The following NCOA3 variants were observed in gnomAD, a reference collection of about 807,000 sequenced individuals.
NCOA3 encodes the protein nuclear receptor coactivator 3.
A neutral mutation model predicts 158.8 loss-of-function variants in NCOA3; 51 were observed. The ratio of observed to expected loss-of-function variants is 0.32; its 90% CI spans 0.26 to 0.41. The LOEUF (loss-of-function observed/expected upper bound fraction) is 0.41, where lower values mean the gene tolerates loss of function less well. Ranked by LOEUF, NCOA3 falls within the 10% of genes least tolerant of loss-of-function variation. NCOA3 has a pLI of 1.00. For missense variants in NCOA3, 1,510 were observed against 1,746.6 expected (o/e 0.86, Z 2.41); for synonymous variants, 537 against 592.4 (o/e 0.91, Z 1.36).
chr20:47,567,032 G>T (rs75734385), intron 1 of NCOA3, among the ~76,000 whole-genome samples: 24 of 110,374 alleles, frequency 2.2e-4, no homozygotes, highest in South Asian at 1.9e-3. Context: ...ATGTATGTAT[G>T]TATGTATGTA....
chr20:47,638,280 C>T (rs1195490215), intron 13 of NCOA3, among the ~76,000 whole-genome samples: 1 of 152,176 alleles, frequency 6.6e-6, no homozygotes, highest in Non-Finnish European at 1.5e-5. Flanking sequence ...CATGGTGGCT[C>T]ACACCTGTGG....
rs140232704 is a variant in NCOA3, at chr20:47,597,248, C to T, written c.-20+13987C>T. On this transcript the variant is annotated intron_variant, in intron 2 of 22. Transcript: ENST00000371998. ...CTGCTTTATGTCACTACTGTTTTACCTTTTCTAAAATTTCATGTGAATAGT... is the reference window on the plus strand; with the variant it reads ...CTGCTTTATGTCACTACTGTTTTACTTTTTCTAAAATTTCATGTGAATAGT... Among the ~76,000 whole-genome samples the T allele has an allele frequency of 3.7e-4, 56 of 152,260 alleles. 1 individual carries two copies. The highest frequency in any genetic ancestry group is 1.3e-3 in the African/African-American group (52 of 41,548).
At chr20:47,562,069 C>T (rs1006722709) in intron 1 of NCOA3, among the ~76,000 whole-genome samples, 7 of 151,684 alleles carry the variant, frequency 4.6e-5, no homozygotes, top group African/African-American at 1.7e-4. Context: ...ATTTAAGTTT[C>T]CTCCCTGTCT....
intron 17 of NCOA3, among the ~76,000 whole-genome samples, chr20:47,644,287 C>A (rs1182822910): frequency 1.3e-5 from 2 of 151,396 alleles, no homozygotes; most frequent in Non-Finnish European, 3.0e-5. Flanking sequence ...CTACAGGTGC[C>A]CGCCACCACA....
At chr20:47,633,979 C>T (rs762676537) in intron 9 of NCOA3, 69 bp from the exon 10 acceptor site, 3 of 1,552,538 alleles carry the variant, frequency 1.9e-6, no homozygotes, top group East Asian at 2.3e-5. Context: ...ATATTTCCTC[C>T]CTGTCCCCTC....
intron 1 of NCOA3, among the ~76,000 whole-genome samples, chr20:47,516,937 AAT>A: frequency 6.9e-6 from 1 of 145,848 alleles, no homozygotes; most frequent in African/African-American, 2.7e-5. Flanking sequence ...AAAAAAAAAA[AAT>A]TTGCTGGGTG....
At chr20:47,538,615 G>A (rs1035966364) in intron 1 of NCOA3, among the ~76,000 whole-genome samples, 2 of 151,520 alleles carry the variant, frequency 1.3e-5, no homozygotes, top group African/African-American at 2.4e-5. Flanking sequence ...TCAGCTCACT[G>A]CAACCTCTGC....
rs1270048635 is a variant in NCOA3, at chr20:47,639,935, A to C, written c.2964A>C (p.Glu988Asp). ...QQQMLQMRPG[E>D]IPMGMGANPY... ...TTTTTGCTCCCCCAGGGCCTGGTGA[A>C]ATCCCCATGGGAATGGGGGCTAATC... The change falls in exon 16 of 23, where the codon GAA becomes GAC. Residue 988 changes from glutamate (E) to aspartate (D), a missense_variant. By Grantham distance (45) the Glu-to-Asp change is conservative. Around this residue, in one of 4 missense-constraint regions of NCOA3, gnomAD observed 1,017 missense variants for 1,098.3 expected, o/e 0.93. Transcript: ENST00000371998. 1 of 1,614,190 alleles carries C rather than the reference A, an allele frequency of 6.2e-7. No homozygotes were observed. The highest frequency in any genetic ancestry group is 2.2e-5 in the East Asian group (1 of 44,874).
chr20:47,624,328 G>A (rs1312818822), intron 4 of NCOA3, among the ~76,000 whole-genome samples: 1 of 152,172 alleles, frequency 6.6e-6, no homozygotes, highest in African/African-American at 2.4e-5. Flanking sequence ...TTGTTTTCCT[G>A]CAGCTAGATG....
intron 1 of NCOA3, among the ~76,000 whole-genome samples, chr20:47,533,208 T>C (rs1020688360): frequency 1.4e-5 from 2 of 147,850 alleles, no homozygotes; most frequent in African/African-American, 5.0e-5. Context: ...TCATTTGAAT[T>C]TGGGAGGCGG....
intron 1 of NCOA3, among the ~76,000 whole-genome samples, chr20:47,553,324 A>C (rs767497103): frequency 6.6e-6 from 1 of 152,118 alleles, no homozygotes; most frequent in African/African-American, 2.4e-5. Flanking sequence ...AAGCATTTTC[A>C]TCTCTGCTTC....
At chr20:47,632,019 A>G (rs2086426358) in intron 8 of NCOA3, among the ~76,000 whole-genome samples, 1 of 152,204 alleles carries the variant, frequency 6.6e-6, no homozygotes, top group Non-Finnish European at 1.5e-5. Context: ...GTTTAGCATT[A>G]GATCTTACAA....
At chr20:47,511,756 G>T (rs932815854) in intron 1 of NCOA3, among the ~76,000 whole-genome samples, 1 of 151,284 alleles carries the variant, frequency 6.6e-6, no homozygotes, top group Non-Finnish European at 1.5e-5. Context: ...GTTTCACCTT[G>T]TTGGCCAGGC....
intron 1 of NCOA3, among the ~76,000 whole-genome samples, chr20:47,552,845 G>C (rs2084944369): frequency 6.6e-6 from 1 of 151,872 alleles, no homozygotes; most frequent in Non-Finnish European, 1.5e-5. Flanking sequence ...AGGTGACTTT[G>C]AAATCAGAGA....
intron 1 of NCOA3, among the ~76,000 whole-genome samples, chr20:47,524,807 A>G (rs2084400711): frequency 6.6e-6 from 1 of 152,154 alleles, no homozygotes; most frequent in Non-Finnish European, 1.5e-5. Flanking sequence ...CAGTGGCACA[A>G]TCTCGGCTCC....
intron 2 of NCOA3, among the ~76,000 whole-genome samples, chr20:47,601,969 A>G (rs1404187248): frequency 1.3e-5 from 2 of 152,376 alleles, no homozygotes; most frequent in East Asian, 1.9e-4. Flanking sequence ...CACATGCTCA[A>G]CATATGTTCC....
At chr20:47,604,249 G>A (rs1309918651) in intron 2 of NCOA3, among the ~76,000 whole-genome samples, 1 of 152,172 alleles carries the variant, frequency 6.6e-6, no homozygotes, top group Non-Finnish European at 1.5e-5. Context: ...AAAGGTGATG[G>A]ATGTGCATTT....
rs72661189 is a variant in NCOA3, at chr20:47,521,509, A to T, written c.-99+19490A>T. The stretch of plus-strand genomic sequence containing the variant: ...TCGTTCCCCTATTGGCTAGGGTTAG[A>T]CTGCACAGGCTAAGCTAATTCCGAT... On this transcript the variant is annotated intron_variant, in intron 1 of 22. Transcript: ENST00000371998. Among the ~76,000 whole-genome samples, 396 of 152,186 alleles carry T rather than the reference A, an allele frequency of 2.6e-3. 1 individual carries two copies. Among genetic ancestry groups the T allele is most frequent in the African/African-American group, 9.1e-3 (379 of 41,508 alleles).
At chr20:47,627,795 C>T in intron 7 of NCOA3, 46 bp downstream of exon 7, 1 of 1,592,548 alleles carries the variant, frequency 6.3e-7, no homozygotes, top group Non-Finnish European at 8.6e-7. Context: ...CAAATAGTGG[C>T]CATACTTGGA....
Sources: allele counts gnomAD v4.1 joint callset (sites outside exome capture counted in the v4.1 genomes callset), GRCh38; gene constraint gnomAD v4.1.1; regional missense constraint gnomAD v4.1.1; transcripts MANE v1.5; gene names NCBI Gene and HGNC (gene_info 2026-07-23, HGNC 2026-07-21).